Variants in RSPH4A observed in about 807,000 individuals in gnomAD.
RSPH4A encodes the protein radial spoke head component 4A.
RSPH4A carries 47 observed loss-of-function variants against 71.0 expected under a neutral mutation model. That is an observed-to-expected ratio of 0.66 (90% CI 0.52 to 0.84). RSPH4A has a LOEUF of 0.84. Among genes scored for constraint, RSPH4A ranks in the 40% least tolerant of loss-of-function variants. The pLI is 0.00. For missense variants in RSPH4A, 793 were observed against 855.2 expected (o/e 0.93, Z 0.91); for synonymous variants, 282 against 302.3 (o/e 0.93, Z 0.70).
At chr6:116,627,585 T>C (rs1170441934) in intron 2 of RSPH4A, 44 bp from the exon 3 acceptor site, 3 of 1,383,174 alleles carry the variant, frequency 2.2e-6, no homozygotes, top group Admixed American at 3.4e-5. Context: ...GAAGCAAGCA[T>C]TTGTCTTATT....
Position 116,616,551 on chromosome 6 carries a change from C to G in RSPH4A, c.-73C>G, listed in dbSNP as rs1008448820. The G allele has an allele frequency of 1.4e-5, 19 of 1,337,602 alleles. No homozygotes were observed. Among genetic ancestry groups the G allele is most frequent in the Admixed American group, 2.0e-5 (1 of 50,866 alleles). 82.9% of individuals were successfully genotyped at this position (1,337,602 alleles called of 1,614,324 possible). ...CGCTTAAGAGACCGCGGCAAAGTAA[C>G]TTAACTGAGTTGCCTTCTTCCATAT... On this transcript the variant is annotated 5_prime_UTR_variant, in exon 1 of 6. Coordinates refer to ENST00000229554, the MANE Select transcript of RSPH4A (RefSeq NM_001010892.3).
chr6:116,629,848 G>A (rs546734915), intron 4 of RSPH4A, 146 bp downstream of exon 4: 2 of 747,364 alleles, frequency 2.7e-6, no homozygotes, highest in East Asian at 2.5e-5. Flanking sequence ...GTTCTGGGAT[G>A]ATAGGGAGTG....
At position 116,628,043 on chromosome 6, in the gene RSPH4A, C is replaced by A; in HGVS notation, c.1336C>A (p.Pro446Thr). 6.2e-7 allele frequency: 1 copy of A among 1,614,162 alleles called. No homozygotes were observed. Among genetic ancestry groups the A allele is most frequent in the Non-Finnish European group, 8.5e-7 (1 of 1,180,020 alleles). The change falls in exon 3 of 6, where the codon CCA (proline) becomes ACA (threonine). Residue 446 changes from proline to threonine, a missense_variant. Pro to Thr is a conservative substitution (Grantham distance 38). Transcript: ENST00000229554. ...AGGAAGACCATGGGTGAAGTTACCA[C>A]CAGTTATACCTGCACAAATTGTTAT... Reference protein sequence around the residue: ...EPGRPWVKLPPVIPAQIVIAR... With the variant: ...EPGRPWVKLPTVIPAQIVIAR...
Position 116,628,424 on chromosome 6 carries a change from T to C in RSPH4A, c.1662+55T>C, listed in dbSNP as rs1367988022. ...GGTAATTAGGCAAATATTCATTAAATGGTCACTATAATGCACAAAGACATA... is the reference window on the plus strand; with the variant it reads ...GGTAATTAGGCAAATATTCATTAAACGGTCACTATAATGCACAAAGACATA... On this transcript the variant is annotated intron_variant, in intron 3 of 5. Coordinates refer to ENST00000229554, the MANE Select transcript of RSPH4A (RefSeq NM_001010892.3). 6 of 1,357,742 alleles carry C rather than the reference T, an allele frequency of 4.4e-6. No homozygotes were observed. The African/African-American group carries it at 7.2e-5, about 16-fold the overall frequency. 84.1% of individuals were successfully genotyped at this position (1,357,742 alleles called of 1,614,324 possible).
At chr6:116,621,516 G>A (rs1217931721) in intron 1 of RSPH4A, among the ~76,000 whole-genome samples, 3 of 152,114 alleles carry the variant, frequency 2.0e-5, no homozygotes, top group Non-Finnish European at 2.9e-5. Flanking sequence ...TGTGAAGAAC[G>A]TACTGCAGTT....
rs974140330 is a variant in RSPH4A at position 116,622,950 on chromosome 6, T to G, written c.869T>G (p.Leu290Arg). 3 of 1,613,662 alleles carry G rather than the reference T, an allele frequency of 1.9e-6. No individual in the cohort carries two copies. In the African/African-American group the frequency reaches 4.0e-5, roughly 22 times the overall value. ...TYEIAEKQKA[L>R]FLQGHLEGVD... is the part of the protein sequence containing the mutation. ...GAAATAGCAGAAAAGCAAAAGGCTC[T>G]TTTTCTCCAGGGACATTTGGAAGGA... The change falls in exon 2 of 6, where the codon CTT becomes CGT. Residue 290 changes from leucine (L) to arginine (R), a missense_variant. Transcript: ENST00000229554.
At chr6:116,632,143 A>T in intron 5 of RSPH4A, 64 bp from the exon 6 acceptor site, 1 of 1,192,926 alleles carries the variant, frequency 8.4e-7, no homozygotes, top group Non-Finnish European at 1.2e-6. Context: ...ATATTACAGA[A>T]GGGTCAGTTT....
chr6:116,630,107 C>A (rs1008087570), intron 4 of RSPH4A, among the ~76,000 whole-genome samples: 5 of 152,118 alleles, frequency 3.3e-5, no homozygotes, highest in African/African-American at 1.2e-4. Context: ...TGCTTGCAAC[C>A]CTTGATCTTA....
At chr6:116,619,519 G>A (rs2115353621) in intron 1 of RSPH4A, among the ~76,000 whole-genome samples, 1 of 152,242 alleles carries the variant, frequency 6.6e-6, no homozygotes, top group East Asian at 1.9e-4. Context: ...TTCTCACCAT[G>A]ATCTATTGGG....
At chr6:116,617,337 T>C (rs1775527494) in intron 1 of RSPH4A, 28 bp downstream of exon 1, 5 of 1,566,338 alleles carry the variant, frequency 3.2e-6, no homozygotes, top group Non-Finnish European at 4.4e-6. Flanking sequence ...AAAAGATAAA[T>C]GTTTGGCAAA....
Position 116,617,324 on chromosome 6 carries a change from GA to G in RSPH4A, c.686+21del. 5.0e-6 allele frequency: 8 copies of G among 1,594,428 alleles called. No individual in the cohort carries two copies. The highest frequency in any genetic ancestry group is 6.8e-6 in the Non-Finnish European group (8 of 1,167,982). On this transcript the variant is annotated intron_variant, in intron 1 of 5. Transcript: ENST00000229554. ...GGCTTTAATCTGTAAGTCTCAGAGG[GA>G]AAAAAGATAAATGTTTGGCAAAGCA...
rs1775526601 is a variant in RSPH4A at position 116,617,310 on chromosome 6, G to C, written c.686+1G>C. ...CTAGCAGCAATTCGGGCTTTAATCT[G>C]TAAGTCTCAGAGGGAAAAAAGATAA... On this transcript the variant is annotated splice_donor_variant, in intron 1 of 5. Transcript: ENST00000229554. LOFTEE classifies it high-confidence loss of function. The C allele has an allele frequency of 6.2e-7, 1 of 1,607,862 alleles. No homozygotes were observed. Among genetic ancestry groups the C allele is most frequent in the Non-Finnish European group, 8.5e-7 (1 of 1,176,332 alleles).
intron 3 of RSPH4A, among the ~76,000 whole-genome samples, chr6:116,628,928 T>C (rs1775745439): frequency 6.6e-6 from 1 of 152,126 alleles, no homozygotes; most frequent in Admixed American, 6.6e-5. Flanking sequence ...GACATAGTAT[T>C]ATTATCCTTA....
intron 4 of RSPH4A, 127 bp from the exon 5 acceptor site, chr6:116,630,304 TTCTG>T (rs1775772240): frequency 1.4e-6 from 1 of 735,104 alleles, no homozygotes; most frequent in African/African-American, 1.7e-5. Context: ...TGTTTTTTCT[TTCTG>T]TATCAAGTAT....
chr6:116,629,474 C>T (rs1775756778), intron 3 of RSPH4A, 93 bp from the exon 4 acceptor site: 1 of 1,245,016 alleles, frequency 8.0e-7, no homozygotes, highest in Admixed American at 1.8e-5. Flanking sequence ...TAAATTCCCA[C>T]AGAGTTACAC....
intron 1 of RSPH4A, among the ~76,000 whole-genome samples, chr6:116,621,758 C>T (rs1054809653): frequency 3.9e-5 from 6 of 152,152 alleles, no homozygotes; most frequent in Admixed American, 1.3e-4. Context: ...TTTATTAGAA[C>T]GTCTAATTGA....
intron 2 of RSPH4A, among the ~76,000 whole-genome samples, chr6:116,624,002 C>G (rs1775654137): frequency 6.6e-6 from 1 of 152,138 alleles, no homozygotes; most frequent in Non-Finnish European, 1.5e-5. Flanking sequence ...TTCCTAAATA[C>G]TCATATACTT....
chr6:116,630,667 G>C (rs878983255), intron 5 of RSPH4A, 115 bp downstream of exon 5: 2 of 250,954 alleles, frequency 8.0e-6, no homozygotes, highest in Non-Finnish European at 1.4e-5. Flanking sequence ...TTTTTTTCGT[G>C]TTTTTTTTTT....
intron 5 of RSPH4A, 61 bp downstream of exon 5, chr6:116,630,613 A>T (rs923285315): frequency 1.1e-5 from 9 of 817,612 alleles, no homozygotes; most frequent in Non-Finnish European, 2.0e-5. Flanking sequence ...GAAATTATAA[A>T]TAACCACTAG....
Sources: gnomAD v4.1 joint callset for allele counts (sites outside exome capture counted in the v4.1 genomes callset) on GRCh38, gnomAD v4.1.1 for gene constraint, MANE v1.5 for transcripts, NCBI Gene and HGNC (gene_info 2026-07-23, HGNC 2026-07-21) for gene names.